Variants in PDE4B observed in about 807,000 individuals in gnomAD.
The protein encoded by PDE4B is phosphodiesterase 4B, also known as 3',5'-cyclic-AMP phosphodiesterase 4B.
A neutral mutation model predicts 82.2 loss-of-function variants in PDE4B; 20 were observed. The ratio of observed to expected loss-of-function variants is 0.24; its 90% CI spans 0.17 to 0.35. The LOEUF (loss-of-function observed/expected upper bound fraction) is 0.35, where lower values mean the gene tolerates loss of function less well. Among genes scored for constraint, PDE4B ranks in the 10% least tolerant of loss-of-function variants. The probability of loss-of-function intolerance (pLI) is 1.00; values close to 1 mark genes in which losing one functional copy is unlikely to be tolerated. For missense variants in PDE4B, 655 were observed against 907.2 expected, an observed-to-expected ratio of 0.72 and a Z score of 3.57; for synonymous variants, 320 against 318.9, an observed-to-expected ratio of 1.00 and a Z score of -0.04.
At chr1:66,353,395 C>G (rs1227752425) in intron 8 of PDE4B, among the ~76,000 whole-genome samples, 1 of 152,138 alleles carries the variant, frequency 6.6e-6, no homozygotes, top group African/African-American at 2.4e-5. Context: ...GCCAGGTCTC[C>G]TAGGCACAGG....
At chr1:66,152,325 CAGG>C (rs1646413422) in intron 3 of PDE4B, 1 of 168,894 alleles carries the variant, frequency 5.9e-6, no homozygotes, top group Admixed American at 5.6e-5. Context: ...ATGGAAAACT[CAGG>C]AGCATTGTAG....
At chr1:66,193,791 A>G (rs1047130902) in intron 3 of PDE4B, among the ~76,000 whole-genome samples, 1 of 152,144 alleles carries the variant, frequency 6.6e-6, no homozygotes, top group Non-Finnish European at 1.5e-5. Context: ...TTAGCAAAGT[A>G]AAAGTAGTAC....
intron 1 of PDE4B, among the ~76,000 whole-genome samples, chr1:65,891,081 A>G (rs1646847988): frequency 6.6e-6 from 1 of 152,138 alleles, no homozygotes; most frequent in African/African-American, 2.4e-5. Context: ...AAAAGTAATT[A>G]GAACAATGTC....
chr1:66,108,114 A>G (rs1015271227), intron 3 of PDE4B, among the ~76,000 whole-genome samples: 1 of 151,952 alleles, frequency 6.6e-6, no homozygotes, highest in Non-Finnish European at 1.5e-5. Flanking sequence ...AGTACACAAT[A>G]CATTGTTATT....
chr1:66,188,104 T>C (rs1570428083), intron 3 of PDE4B, among the ~76,000 whole-genome samples: 2 of 151,648 alleles, frequency 1.3e-5, no homozygotes, highest in South Asian at 2.1e-4. Context: ...CCAGTAGTCA[T>C]TCAGGAGCAG....
chr1:65,933,553 G>T (rs969856810), intron 3 of PDE4B, among the ~76,000 whole-genome samples: 1 of 152,104 alleles, frequency 6.6e-6, no homozygotes, highest in Admixed American at 6.5e-5. Flanking sequence ...AATTAGCTGG[G>T]CATGGTGGCA....
intron 1 of PDE4B, among the ~76,000 whole-genome samples, chr1:65,811,616 C>T (rs1477790447): frequency 1.3e-5 from 2 of 152,042 alleles, no homozygotes; most frequent in Non-Finnish European, 2.9e-5. Context: ...ATTTGATTTC[C>T]TCATTTGTTT....
intron 3 of PDE4B, among the ~76,000 whole-genome samples, chr1:66,148,444 G>A (rs1646318662): frequency 6.6e-6 from 1 of 151,932 alleles, no homozygotes; most frequent in African/African-American, 2.4e-5. Context: ...ACACAATAAT[G>A]TCCATGTCTT....
At chr1:66,051,219 T>A (rs967725674) in intron 3 of PDE4B, among the ~76,000 whole-genome samples, 3 of 151,742 alleles carry the variant, frequency 2.0e-5, no homozygotes, top group Non-Finnish European at 2.9e-5. Flanking sequence ...ATAATAAAAT[T>A]AAAAAAAATT....
chr1:66,276,678 T>C (rs1376273136), intron 7 of PDE4B, among the ~76,000 whole-genome samples: 1 of 152,256 alleles, frequency 6.6e-6, no homozygotes, highest in East Asian at 1.9e-4. Context: ...AAATTCATAC[T>C]GTATACAAGG....
intron 3 of PDE4B, among the ~76,000 whole-genome samples, chr1:65,968,866 C>T (rs1557466086): frequency 6.6e-6 from 1 of 152,112 alleles, no homozygotes; most frequent in Non-Finnish European, 1.5e-5. Flanking sequence ...ATGACCCAAC[C>T]TATATTTTTA....
In PDE4B at chr1:65,841,034, C is replaced by T. The variant is rs1319516457; in HGVS notation, c.-71+47786C>T. Among the ~76,000 whole-genome samples the T allele has an allele frequency of 1.3e-5, 2 of 152,156 alleles. 1 individual carries two copies. The highest frequency in any genetic ancestry group is 4.1e-4 in the South Asian group (2 of 4,828). ...CTTAGAGGCCAGGCACGGTTGTTTA[C>T]ACCGGTAATCCCAGCACTTTGGGAG... On this transcript the variant is annotated intron_variant, in intron 1 of 16. Transcript: ENST00000341517.
intron 2 of PDE4B, among the ~76,000 whole-genome samples, chr1:65,916,356 A>T (rs2100468461): frequency 6.6e-6 from 1 of 152,320 alleles, no homozygotes; most frequent in Non-Finnish European, 1.5e-5. Context: ...AGTGCCAAAT[A>T]GTACCCATTT....
At chr1:66,045,690 A>AAT (rs1159823845) in intron 3 of PDE4B, among the ~76,000 whole-genome samples, 7 of 151,222 alleles carry the variant, frequency 4.6e-5, no homozygotes, top group South Asian at 2.1e-4. Context: ...ATAAAGATGT[A>AAT]ATATATATAT....
chr1:66,199,833 G>A (rs1478631056), intron 3 of PDE4B, among the ~76,000 whole-genome samples: 2 of 152,186 alleles, frequency 1.3e-5, no homozygotes, highest in African/African-American at 4.8e-5. Flanking sequence ...TTGCTGTGCA[G>A]AAGCTCATTA....
At chr1:65,968,932 G>A (rs1178611852) in intron 3 of PDE4B, among the ~76,000 whole-genome samples, 1 of 152,158 alleles carries the variant, frequency 6.6e-6, no homozygotes, top group Non-Finnish European at 1.5e-5. Flanking sequence ...ATGTAAAGGA[G>A]ATAATTATAT....
intron 1 of PDE4B, among the ~76,000 whole-genome samples, chr1:65,880,646 A>G (rs1045771269): frequency 4.0e-5 from 6 of 151,878 alleles, no homozygotes; most frequent in Non-Finnish European, 8.8e-5. Flanking sequence ...GTGAATGAGG[A>G]CGGGATCCCT....
chr1:66,152,986 C>T (rs1293635129), intron 3 of PDE4B, among the ~76,000 whole-genome samples: 2 of 152,102 alleles, frequency 1.3e-5, no homozygotes, highest in Admixed American at 6.6e-5. Context: ...ACCACATCTA[C>T]AAAACATCTT....
intron 3 of PDE4B, among the ~76,000 whole-genome samples, chr1:66,006,070 G>A (rs750736514): frequency 1.4e-4 from 21 of 152,118 alleles, no homozygotes; most frequent in African/African-American, 1.2e-4. Context: ...AGTTTTATGC[G>A]TATCAGATTT....
Sources: allele counts gnomAD v4.1 joint callset (sites outside exome capture counted in the v4.1 genomes callset), GRCh38; gene constraint gnomAD v4.1.1; transcripts MANE v1.5; gene names NCBI Gene and HGNC (gene_info 2026-07-23, HGNC 2026-07-21).